ZNF462: variants seen among roughly 807,000 people sequenced by gnomAD.
The protein encoded by ZNF462 is zinc finger protein 462, also known as zinc finger PBX1-interacting protein.
A neutral mutation model predicts 201.9 loss-of-function variants in ZNF462; 10 were observed. The observed-to-expected ratio is 0.05, with a 90% CI of 0.03 to 0.08. ZNF462 has a LOEUF of 0.08. Ranked by LOEUF, ZNF462 falls within the 10% of genes least tolerant of loss-of-function variation. The probability of loss-of-function intolerance (pLI) is 1.00; values close to 1 mark genes in which losing one functional copy is unlikely to be tolerated. For synonymous variants in ZNF462, 1,227 were observed against 1,193.3 expected, an observed-to-expected ratio of 1.03 and a Z score of -0.58; for missense variants, 2,523 against 3,168.3, an observed-to-expected ratio of 0.80 and a Z score of 4.89.
chr9:106,921,916 A>T (rs757099581), intron 1 of ZNF462, among the ~76,000 whole-genome samples: 8 of 152,202 alleles, frequency 5.3e-5, no homozygotes, highest in Non-Finnish European at 1.0e-4. Context: ...TTTATTGAAA[A>T]AGGATAAATT....
intron 9 of ZNF462, among the ~76,000 whole-genome samples, chr9:106,983,004 T>C (rs1330687956): frequency 1.3e-5 from 2 of 152,202 alleles, no homozygotes; most frequent in Non-Finnish European, 2.9e-5. Context: ...ATAATATAAG[T>C]ATATGTTGTG....
At chr9:107,004,727 G>A (rs943169665) in intron 11 of ZNF462, among the ~76,000 whole-genome samples, 2 of 151,958 alleles carry the variant, frequency 1.3e-5, no homozygotes, top group African/African-American at 4.8e-5. Context: ...TTTATGGTGA[G>A]AACACTTAAA....
In ZNF462 at chr9:106,959,637, C is replaced by T. The variant is rs986533793; in HGVS notation, c.6428-12368C>T. Reference sequence around the variant, plus strand: ...ACCTAGAAGGAGGCTCCTCAACATACTCTGGGAGCTGAAAAGTTGTCTGTT... The same window carrying T: ...ACCTAGAAGGAGGCTCCTCAACATATTCTGGGAGCTGAAAAGTTGTCTGTT... On this transcript the variant is annotated intron_variant, in intron 7 of 12. Transcript: ENST00000277225. Among the ~76,000 whole-genome samples, 9 of 152,202 alleles carry T rather than the reference C, an allele frequency of 5.9e-5. 1 individual carries two copies. The highest frequency in any genetic ancestry group is 2.2e-4 in the African/African-American group (9 of 41,540).
rs768081388 is a variant in ZNF462 at position 106,927,095 on chromosome 9, T to C, written c.3183T>C (p.Phe1061=). 7 of 1,614,112 alleles carry C rather than the reference T, an allele frequency of 4.3e-6. No individual in the cohort carries two copies. The highest frequency in any genetic ancestry group is 2.2e-5 in the East Asian group (1 of 44,880). The change falls in exon 3 of 13, where the codon TTT becomes TTC. Residue 1061 remains phenylalanine (F), a synonymous_variant. Transcript: ENST00000277225. ...KKHPEEKASY[F]RIQKTMRMVS... ...ACCCCGAAGAAAAGGCTTCCTACTTTAGGATCCAGAAAACTATGCGAATGG... is the reference window on the plus strand; with the variant it reads ...ACCCCGAAGAAAAGGCTTCCTACTTCAGGATCCAGAAAACTATGCGAATGG...
intron 1 of ZNF462, among the ~76,000 whole-genome samples, chr9:106,897,191 A>G (rs557229623): frequency 6.6e-6 from 1 of 152,338 alleles, no homozygotes; most frequent in East Asian, 1.9e-4. Flanking sequence ...TTTAGGGTAT[A>G]TGGCTTCTGG....
intron 7 of ZNF462, 114 bp from the exon 8 acceptor site, chr9:106,971,891 A>C: frequency 1.5e-6 from 2 of 1,334,432 alleles, no homozygotes; most frequent in Non-Finnish European, 2.0e-6. Context: ...CCGTTTGTCA[A>C]TTATACCTTA....
intron 7 of ZNF462, among the ~76,000 whole-genome samples, chr9:106,939,332 A>AT (rs1830767637): frequency 6.6e-6 from 1 of 152,196 alleles, no homozygotes; most frequent in Admixed American, 6.5e-5. Flanking sequence ...TTCAGTGCTC[A>AT]TGGGAGTGTT....
In ZNF462 at chr9:107,012,679, A is replaced by G. The variant is rs899958414; in HGVS notation, c.*1649A>G. 3.9e-5 allele frequency: 5 copies of G among 127,818 alleles called. No homozygotes were observed. Among genetic ancestry groups the G allele is most frequent in the African/African-American group, 1.4e-4 (5 of 34,494 alleles). 7.9% of individuals were successfully genotyped at this position (127,818 alleles called of 1,614,324 possible). ...TGTGCGTGTATGAGTGTGTGTGTGC[A>G]TGTGTGCACGTGTGAATCCTTTGGT... On this transcript the variant is annotated 3_prime_UTR_variant, in exon 13 of 13. Transcript: ENST00000277225.
rs1251110450 is a variant in ZNF462 at position 106,865,209 on chromosome 9, T to A, written c.-31+1854T>A. 6.6e-6 allele frequency among the ~76,000 whole-genome samples: 1 copy of A among 152,180 alleles called. No individual in the cohort carries two copies. Among genetic ancestry groups the A allele is most frequent in the Non-Finnish European group, 1.5e-5 (1 of 68,038 alleles). ...CATTTTAAAGTAAACTTTTGGAATT[T>A]TTTTTCTCCTTTTGAGTGGACCTGA... On this transcript the variant is annotated intron_variant, in intron 1 of 12. Coordinates refer to ENST00000277225, the MANE Select transcript of ZNF462 (RefSeq NM_021224.6). The surrounding 1 kb of genome is among the most constrained non-coding windows in gnomAD (Gnocchi z 4.1).
intron 1 of ZNF462, among the ~76,000 whole-genome samples, chr9:106,867,529 T>C (rs924305000): frequency 2.0e-5 from 3 of 152,030 alleles, no homozygotes; most frequent in Non-Finnish European, 2.9e-5. Flanking sequence ...CCCCGAGGAA[T>C]TGTTTTTTCC....
rs1378557987 is a variant in ZNF462, at chr9:106,883,259, C to T, written c.-31+19904C>T. On this transcript the variant is annotated intron_variant, in intron 1 of 12. Transcript: ENST00000277225. This position sits in a 1 kb window ranked among gnomAD's most constrained non-coding sequence, Gnocchi z 4.9. ...TCCTGTTATTTGGTTAATGGTTGAC[C>T]TAGTTCTAATGCCATATGCTTCCTG... Among the ~76,000 whole-genome samples the T allele has an allele frequency of 6.6e-6, 1 of 152,132 alleles. No individual in the cohort carries two copies. Among genetic ancestry groups the T allele is most frequent in the Non-Finnish European group, 1.5e-5 (1 of 68,018 alleles).
At chr9:106,969,283 A>G (rs1207921214) in intron 7 of ZNF462, among the ~76,000 whole-genome samples, 3 of 152,194 alleles carry the variant, frequency 2.0e-5, no homozygotes, top group Admixed American at 2.0e-4. Context: ...TTGCACTGCC[A>G]TTTGAGAAGG....
intron 1 of ZNF462, among the ~76,000 whole-genome samples, chr9:106,888,601 G>A (rs1266204435): frequency 3.7e-4 from 57 of 152,112 alleles, no homozygotes; most frequent in Admixed American, 3.7e-3. Flanking sequence ...CTTTTTTGGC[G>A]TCTTCAGTAT....
chr9:107,004,616 G>A (rs1170574892), intron 11 of ZNF462, among the ~76,000 whole-genome samples: 1 of 151,944 alleles, frequency 6.6e-6, no homozygotes, highest in East Asian at 1.9e-4. Context: ...AATAAAAATT[G>A]TATATATTTA....
Position 106,872,483 on chromosome 9 carries a change from C to T in ZNF462, c.-31+9128C>T, listed in dbSNP as rs1448383329. Among the ~76,000 whole-genome samples, 1 of 152,176 alleles carries T rather than the reference C, an allele frequency of 6.6e-6. No individual in the cohort carries two copies. Among genetic ancestry groups the T allele is most frequent in the Non-Finnish European group, 1.5e-5 (1 of 68,030 alleles). ...GTTCAAGCAATTCTCCTGACTCAGC[C>T]TCCCAAGTAGCTGGGACTACAGGCA... On this transcript the variant is annotated intron_variant, in intron 1 of 12. Transcript: ENST00000277225. This position sits in a 1 kb window ranked among gnomAD's most constrained non-coding sequence, Gnocchi z 4.5.
intron 7 of ZNF462, among the ~76,000 whole-genome samples, chr9:106,964,120 C>T (rs1831967533): frequency 6.6e-6 from 1 of 151,686 alleles, no homozygotes; most frequent in Admixed American, 6.6e-5. Flanking sequence ...GTAACTAATG[C>T]TGTAGTGAAC....
At chr9:106,875,731 A>T (rs1827802367) in intron 1 of ZNF462, among the ~76,000 whole-genome samples, 1 of 152,208 alleles carries the variant, frequency 6.6e-6, no homozygotes, top group Non-Finnish European at 1.5e-5. Flanking sequence ...CAGTGTGGGT[A>T]TGTCAGTGTG....
At position 106,924,421 on chromosome 9, in the gene ZNF462, A is replaced by G. The variant is rs755996719; in HGVS notation, c.509A>G (p.Lys170Arg). ...KVFSCQFCTY[K>R]SPRRARIIKH... is the part of the protein sequence containing the mutation. ...TTCTCTTGCCAGTTTTGCACATACAAGTCACCAAGAAGGGCAAGAATAATT... is the reference window on the plus strand; with the variant it reads ...TTCTCTTGCCAGTTTTGCACATACAGGTCACCAAGAAGGGCAAGAATAATT... Residue 170 changes from lysine to arginine, a missense_variant, in exon 3 of 13, where the codon AAG becomes AGG. This residue lies in a region of ZNF462 where 480 missense variants were observed against 544.4 expected (regional missense o/e 0.88). Transcript: ENST00000277225. This position sits in a 1 kb window ranked among gnomAD's most constrained non-coding sequence, Gnocchi z 6.2. The G allele has an allele frequency of 9.9e-6, 16 of 1,614,094 alleles. No individual in the cohort carries two copies. Among genetic ancestry groups the G allele is most frequent in the East Asian group, 6.7e-5 (3 of 44,892 alleles).
chr9:106,900,957 T>C (rs760634661), intron 1 of ZNF462, among the ~76,000 whole-genome samples: 3 of 152,182 alleles, frequency 2.0e-5, no homozygotes, highest in Non-Finnish European at 4.4e-5. Flanking sequence ...ATGAAATCTT[T>C]GCATAAGCCA....
Sources: gnomAD v4.1 joint callset for allele counts (sites outside exome capture counted in the v4.1 genomes callset) on GRCh38, gnomAD v4.1.1 for gene constraint, gnomAD v4.1.1 regional missense constraint, Gnocchi (gnomAD v3.1) non-coding constraint, MANE v1.5 for transcripts, NCBI Gene and HGNC (gene_info 2026-07-23, HGNC 2026-07-21) for gene names.